CACNA1A: variants seen among roughly 807,000 people sequenced by gnomAD.
CACNA1A encodes calcium voltage-gated channel subunit alpha1 A.
A neutral mutation model predicts 262.4 loss-of-function variants in CACNA1A; 57 were observed. That is an observed-to-expected ratio of 0.22 (90% CI 0.18 to 0.27). CACNA1A has a LOEUF of 0.27. Ranked by LOEUF, CACNA1A falls within the 10% of genes least tolerant of loss-of-function variation. CACNA1A has a pLI of 1.00. For synonymous variants in CACNA1A, 1,431 were observed against 1,419.3 expected (o/e 1.01, Z -0.18); for missense variants, 2,526 against 3,562.8 (o/e 0.71, Z 7.41).
At chr19:13,407,482 A>G (rs1383753061) in intron 3 of CACNA1A, among the ~76,000 whole-genome samples, 1 of 152,202 alleles carries the variant, frequency 6.6e-6, no homozygotes, top group Non-Finnish European at 1.5e-5. Flanking sequence ...CAAGAATTAA[A>G]TGAGTTAATA....
intron 1 of CACNA1A, among the ~76,000 whole-genome samples, chr19:13,493,634 A>T (rs1483615518): frequency 6.6e-6 from 1 of 152,252 alleles, no homozygotes; most frequent in Non-Finnish European, 1.5e-5. Flanking sequence ...CCTTCTACAG[A>T]TTCAAAGAAA....
At chr19:13,474,396 A>AT (rs374951673) in intron 1 of CACNA1A, among the ~76,000 whole-genome samples, 121 of 152,354 alleles carry the variant, frequency 7.9e-4, no homozygotes, top group Middle Eastern at 3.4e-3. Flanking sequence ...CTCAAGGAAG[A>AT]TGGAAGACAA....
At position 13,376,712 on chromosome 19, in the gene CACNA1A, T is replaced by TGTA. The variant is rs2059414002; in HGVS notation, c.540-4934_540-4933insTAC. On this transcript the variant is annotated intron_variant, in intron 3 of 46. Transcript: ENST00000360228. ...ATAATATATGTTACATATGATACAC[T>TGTA]ACACATAATATATGTTATATATGAT... 2.0e-5 allele frequency among the ~76,000 whole-genome samples: 3 copies of TGTA among 147,506 alleles called. 1 individual carries two copies. Among genetic ancestry groups the TGTA allele is most frequent in the African/African-American group, 7.4e-5 (3 of 40,310 alleles).
Position 13,366,876 on chromosome 19 carries a change from T to C in CACNA1A, c.632-1407A>G, listed in dbSNP as rs1165410004. The stretch of plus-strand genomic sequence containing the variant: ...CCCCAAGGAACCAGACTCAACATTA[T>C]TTCACTGGCTTCTAGTGACAAGCCC... On this transcript the variant is annotated intron_variant, in intron 4 of 46. Transcript: ENST00000360228. 2.0e-5 allele frequency among the ~76,000 whole-genome samples: 3 copies of C among 152,306 alleles called. No homozygotes were observed. In the East Asian group the frequency reaches 5.8e-4, roughly 29 times the overall value.
intron 10 of CACNA1A, among the ~76,000 whole-genome samples, chr19:13,318,183 A>T (rs1273233084): frequency 6.6e-6 from 1 of 152,158 alleles, no homozygotes; most frequent in Non-Finnish European, 1.5e-5. Flanking sequence ...GCCCTTGGAG[A>T]GTCCACAGGG....
At position 13,286,886 on chromosome 19, in the gene CACNA1A, T is replaced by G. The variant is rs1273138619; in HGVS notation, c.3170A>C (p.Gln1057Pro). ...AATATCCTCTGCCAGGGGTGGGTCT[T>G]GGCGGCCCAGGTCCTGCTGGATTGG... ...TRPIQQDLGR[Q>P]DPPLAEDIDN... The change falls in exon 20 of 47, where the codon CAA (glutamine) becomes CCA (proline). Residue 1057 changes from glutamine (Q) to proline (P), a missense_variant. Transcript: ENST00000360228. The G allele has an allele frequency of 1.2e-6, 2 of 1,613,404 alleles. No homozygotes were observed. Among genetic ancestry groups the G allele is most frequent in the African/African-American group, 1.3e-5 (1 of 74,906 alleles).
chr19:13,290,095 A>ATTTT (rs34860973), intron 19 of CACNA1A, among the ~76,000 whole-genome samples: 1 of 140,250 alleles, frequency 7.1e-6, no homozygotes, highest in Non-Finnish European at 1.6e-5. Context: ...CACCCGGCTA[A>ATTTT]TTTTTTTTTT....
At chr19:13,380,777 ATTTAT>A (rs2059511432) in intron 3 of CACNA1A, among the ~76,000 whole-genome samples, 1 of 124,582 alleles carries the variant, frequency 8.0e-6, no homozygotes, top group South Asian at 2.8e-4. Context: ...TTATTTATTT[ATTTAT>A]TTATTTATTT....
chr19:13,293,439 C>CTTTTTTTTTTTT (rs974515720), intron 19 of CACNA1A, among the ~76,000 whole-genome samples: 10 of 80,894 alleles, frequency 1.2e-4, no homozygotes, highest in Non-Finnish European at 1.6e-4. Context: ...TCAGTTAAAT[C>CTTTTTTTTTTTT]TTTTTTTTTT....
chr19:13,303,699 G>A (rs956326529), intron 16 of CACNA1A, 68 bp downstream of exon 16: 9 of 1,556,136 alleles, frequency 5.8e-6, no homozygotes, highest in African/African-American at 1.4e-5. Flanking sequence ...ACCCTCCCTT[G>A]AGCCCCTGCA....
At chr19:13,469,464 T>C (rs908416185) in intron 1 of CACNA1A, among the ~76,000 whole-genome samples, 2 of 108,092 alleles carry the variant, frequency 1.9e-5, no homozygotes, top group African/African-American at 4.8e-5. Context: ...CCACCTCTTT[T>C]TTTTTTTTTT....
intron 31 of CACNA1A, among the ~76,000 whole-genome samples, chr19:13,240,721 C>T (rs994070171): frequency 2.9e-5 from 4 of 135,752 alleles, no homozygotes; most frequent in African/African-American, 1.1e-4. Flanking sequence ...TGACTGTGTG[C>T]AGTGACTGCA....
chr19:13,466,604 G>A (rs942063417), intron 1 of CACNA1A, among the ~76,000 whole-genome samples: 1 of 152,032 alleles, frequency 6.6e-6, no homozygotes, highest in Admixed American at 6.6e-5. Context: ...ACCTCCCAAA[G>A]TGCTGGGATT....
chr19:13,349,002 TG>T (rs1226078090), intron 6 of CACNA1A, among the ~76,000 whole-genome samples: 1 of 92,038 alleles, frequency 1.1e-5, no homozygotes, highest in Admixed American at 1.1e-4. Flanking sequence ...AGTGAGACGC[TG>T]TCTCAAAAAA....
At chr19:13,482,853 T>TGC (rs918014146) in intron 1 of CACNA1A, among the ~76,000 whole-genome samples, 1 of 70,878 alleles carries the variant, frequency 1.4e-5, no homozygotes, top group Non-Finnish European at 2.6e-5. Context: ...TCAACTTGTG[T>TGC]GTGTGTGTGT....
At chr19:13,300,192 A>G (rs758919517) in intron 18 of CACNA1A, among the ~76,000 whole-genome samples, 5 of 152,162 alleles carry the variant, frequency 3.3e-5, no homozygotes, top group Non-Finnish European at 7.3e-5. Flanking sequence ...CTTCACTCCC[A>G]GCATTTGCTA....
intron 1 of CACNA1A, among the ~76,000 whole-genome samples, chr19:13,456,543 G>A (rs373027790): frequency 0.019 from 2,877 of 151,856 alleles, 85 homozygotes; most frequent in African/African-American, 0.065. Context: ...GCGTGGTAGC[G>A]GGCATCTGTA....
At chr19:13,238,227 A>AATCC (rs769499113) in intron 31 of CACNA1A, among the ~76,000 whole-genome samples, 8 of 152,140 alleles carry the variant, frequency 5.3e-5, no homozygotes, top group Non-Finnish European at 1.0e-4. Context: ...TCCACATTTC[A>AATCC]ATCCATGGCT....
chr19:13,268,730 G>C (rs144727630), intron 24 of CACNA1A, among the ~76,000 whole-genome samples: 1 of 151,906 alleles, frequency 6.6e-6, no homozygotes, highest in East Asian at 1.9e-4. Context: ...CACCGCGCCC[G>C]GCTGTGATAT....
Sources: gnomAD v4.1 joint callset for allele counts (sites outside exome capture counted in the v4.1 genomes callset) on GRCh38, gnomAD v4.1.1 for gene constraint, MANE v1.5 for transcripts, NCBI Gene and HGNC (gene_info 2026-07-23, HGNC 2026-07-21) for gene names.